Variants in ASTN2 observed in about 807,000 individuals in gnomAD.
ASTN2 encodes astrotactin-2.
ASTN2 carries 54 observed loss-of-function variants against 139.8 expected under a neutral mutation model. The observed-to-expected ratio is 0.39, with a 90% confidence interval of 0.31 to 0.48. The LOEUF is 0.48. ASTN2 is among the 20% of genes least tolerant of loss of function. The pLI, the probability that ASTN2 is intolerant of heterozygous loss-of-function variation, is 0.95. For missense variants in ASTN2, 1,565 were observed against 1,725.1 expected (o/e 0.91, Z 1.64); for synonymous variants, 756 against 719.5 (o/e 1.05, Z -0.81).
At position 116,623,426 on chromosome 9, in the gene ASTN2, C is replaced by T. The variant is rs566315429; in HGVS notation, c.3073-2983G>A. On this transcript the variant is annotated intron_variant, in intron 17 of 22. Transcript: ENST00000313400. ...AACACAAACACACCCTGATAAAAGG[C>T]CAGCATCAAACAGGGAGTCCTCATA... Among the ~76,000 whole-genome samples the T allele has an allele frequency of 1.8e-4, 27 of 152,216 alleles. 1 individual carries two copies. The South Asian group carries it at 4.8e-3, about 27-fold the overall frequency.
intron 10 of ASTN2, among the ~76,000 whole-genome samples, chr9:116,942,573 C>T (rs1487038095): frequency 6.6e-6 from 1 of 152,170 alleles, no homozygotes; most frequent in Non-Finnish European, 1.5e-5. Flanking sequence ...GAAAGTCCTC[C>T]CTTTCTTGCA....
chr9:116,489,757 G>A (rs943018487), intron 19 of ASTN2, among the ~76,000 whole-genome samples: 1 of 152,240 alleles, frequency 6.6e-6, no homozygotes, highest in African/African-American at 2.4e-5. Context: ...GTTCTAGAAG[G>A]TATTTGCTCC....
chr9:116,790,883 A>T (rs1053361575), intron 13 of ASTN2, among the ~76,000 whole-genome samples: 4 of 150,600 alleles, frequency 2.7e-5, no homozygotes, highest in Admixed American at 6.7e-5. Context: ...CCATATTGAA[A>T]AGAAAGGAAA....
chr9:116,632,244 A>AGAAGGAAG, intron 17 of ASTN2, among the ~76,000 whole-genome samples: 1 of 119,056 alleles, frequency 8.4e-6, no homozygotes, highest in African/African-American at 3.7e-5. Flanking sequence ...AAAGAAAGAA[A>AGAAGGAAG]GAAAGAAGGA....
At chr9:117,148,105 T>C (rs1212540112) in intron 3 of ASTN2, among the ~76,000 whole-genome samples, 1 of 152,182 alleles carries the variant, frequency 6.6e-6, no homozygotes, top group Non-Finnish European at 1.5e-5. Flanking sequence ...GGTTGACCCA[T>C]GTCTCACTGC....
chr9:117,006,436 TTC>T (rs1837355847), intron 7 of ASTN2, among the ~76,000 whole-genome samples: 1 of 152,190 alleles, frequency 6.6e-6, no homozygotes, highest in African/African-American at 2.4e-5. Context: ...TTGCATTCTA[TTC>T]TCAGTAATAA....
intron 13 of ASTN2, among the ~76,000 whole-genome samples, chr9:116,736,809 C>T (rs777066091): frequency 6.6e-6 from 1 of 152,168 alleles, no homozygotes; most frequent in Non-Finnish European, 1.5e-5. Flanking sequence ...AATGTTCTTA[C>T]AATTGTAGAG....
chr9:116,587,338 C>G (rs1217903131), intron 19 of ASTN2, among the ~76,000 whole-genome samples: 1 of 114,518 alleles, frequency 8.7e-6, no homozygotes, highest in Non-Finnish European at 1.7e-5. Flanking sequence ...AAGACCCCAT[C>G]TCAAATTTAA....
At chr9:117,354,363 C>T (rs1829476839) in intron 1 of ASTN2, among the ~76,000 whole-genome samples, 1 of 152,098 alleles carries the variant, frequency 6.6e-6, no homozygotes, top group South Asian at 2.1e-4. Flanking sequence ...TGCCAGCTCC[C>T]TACACTCATC....
At chr9:116,932,585 T>G (rs1482173693) in intron 10 of ASTN2, among the ~76,000 whole-genome samples, 1 of 152,088 alleles carries the variant, frequency 6.6e-6, no homozygotes. Context: ...GTTACATGCA[T>G]GTGCCCTGGA....
At chr9:117,260,488 A>C (rs1478714753) in intron 2 of ASTN2, among the ~76,000 whole-genome samples, 1 of 152,160 alleles carries the variant, frequency 6.6e-6, no homozygotes, top group African/African-American at 2.4e-5. Context: ...GCTTTAGTGC[A>C]TACATAAATC....
intron 5 of ASTN2, among the ~76,000 whole-genome samples, chr9:117,044,877 C>T (rs1838686386): frequency 1.3e-5 from 2 of 152,216 alleles, no homozygotes; most frequent in African/African-American, 4.8e-5. Context: ...TGAATCCTCT[C>T]AGCTAAGTGT....
intron 13 of ASTN2, among the ~76,000 whole-genome samples, chr9:116,736,060 A>G (rs1168197576): frequency 6.6e-6 from 1 of 152,190 alleles, no homozygotes; most frequent in Non-Finnish European, 1.5e-5. Context: ...AAGCACAAAG[A>G]AGTTATGTAA....
chr9:116,509,383 C>T (rs1850263529), intron 19 of ASTN2, among the ~76,000 whole-genome samples: 2 of 152,080 alleles, frequency 1.3e-5, no homozygotes, highest in South Asian at 4.2e-4. Flanking sequence ...GTATATGTGC[C>T]ACATTTTCTT....
Position 117,036,438 on chromosome 9 carries a change from G to A in ASTN2, c.1423+3381C>T, listed in dbSNP as rs566255810. 1.7e-3 allele frequency among the ~76,000 whole-genome samples: 264 copies of A among 152,106 alleles called. 2 individuals carry two copies. The highest frequency in any genetic ancestry group is 5.6e-3 in the African/African-American group (234 of 41,482). On this transcript the variant is annotated intron_variant, in intron 6 of 22. Transcript: ENST00000313400. The stretch of plus-strand genomic sequence containing the variant: ...CTCTGGCATCTGAGCCTCCTGACTG[G>A]GGAGAACCCTCCCCTCCAAGGATAG...
At chr9:117,073,317 G>A (rs1269918515) in intron 5 of ASTN2, among the ~76,000 whole-genome samples, 2 of 152,016 alleles carry the variant, frequency 1.3e-5, no homozygotes, top group Non-Finnish European at 1.5e-5. Flanking sequence ...TGCAGGGACT[G>A]TCCTGCTTCT....
chr9:116,841,399 T>C (rs948286327), intron 11 of ASTN2, among the ~76,000 whole-genome samples: 20 of 152,012 alleles, frequency 1.3e-4, no homozygotes, highest in Non-Finnish European at 2.5e-4. Context: ...GAGAGGAGAC[T>C]GACTCTAATT....
intron 1 of ASTN2, among the ~76,000 whole-genome samples, chr9:117,374,388 A>AAAAAAAAAAAAAAAT (rs1830067131): frequency 7.1e-6 from 1 of 140,520 alleles, no homozygotes; most frequent in African/African-American, 2.5e-5. Flanking sequence ...AAAAAAAAAA[A>AAAAAAAAAAAAAAAT]AAAAAGCACA....
chr9:116,701,010 G>A (rs2132079257), intron 16 of ASTN2: 1 of 167,154 alleles, frequency 6.0e-6, no homozygotes, highest in African/African-American at 2.4e-5. Context: ...TATGTTTTAT[G>A]TTTATAATTA....
Sources: gnomAD v4.1 joint callset for allele counts (sites outside exome capture counted in the v4.1 genomes callset) on GRCh38, gnomAD v4.1.1 for gene constraint, MANE v1.5 for transcripts, NCBI Gene and HGNC (gene_info 2026-07-23, HGNC 2026-07-21) for gene names.